The following MATCAP1 variants were observed in gnomAD, a reference collection of about 807,000 sequenced individuals.
MATCAP1 encodes the protein microtubule-associated tyrosine carboxypeptidase 1.
the MATCAP1 span, chr16:67,177,886 A>T: frequency 1.3e-6 from 1 of 793,160 alleles, no homozygotes; most frequent in South Asian, 1.5e-5. Context: ...ACTTCCACCC[A>T]CGCTCCCCCC....
chr16:67,180,096 A>C, the MATCAP1 span: 2 of 1,614,210 alleles, frequency 1.2e-6, no homozygotes, highest in South Asian at 2.2e-5. Flanking sequence ...AGCCGTGGGC[A>C]TGGGCTCCTG....
the MATCAP1 span, chr16:67,183,949 T>C: frequency 2.1e-5 from 4 of 191,844 alleles, no homozygotes; most frequent in African/African-American, 7.2e-5. Flanking sequence ...GCGGGAGCCG[T>C]CGCCGATGAC....
chr16:67,178,561 G>C, the MATCAP1 span: 1 of 1,427,878 alleles, frequency 7.0e-7, no homozygotes, highest in East Asian at 2.5e-5. Flanking sequence ...ACCCGCCTGC[G>C]AGCCCAGCCC....
the MATCAP1 span, chr16:67,176,984 G>C: frequency 1.3e-6 from 2 of 1,537,176 alleles, no homozygotes; most frequent in African/African-American, 2.8e-5. The surrounding 1 kb of genome is among the most constrained non-coding windows in gnomAD (Gnocchi z 4.3). Context: ...ACCTGCAGGA[G>C]GAAGCCGGGC....
At chr16:67,178,302 G>C in the MATCAP1 span, 1 of 1,582,512 alleles carries the variant, frequency 6.3e-7, no homozygotes, top group East Asian at 2.3e-5. Flanking sequence ...AGAGCTGACG[G>C]AAGGACATGC....
At chr16:67,178,236 C>T in the MATCAP1 span, 2 of 1,548,240 alleles carry the variant, frequency 1.3e-6, no homozygotes, top group Non-Finnish European at 1.7e-6. Context: ...GCTTGGCGCG[C>T]ACGCAGTACT....
the MATCAP1 span, chr16:67,176,856 G>A: frequency 6.2e-7 from 1 of 1,608,812 alleles, no homozygotes; most frequent in South Asian, 1.1e-5. The surrounding 1 kb of genome is among the most constrained non-coding windows in gnomAD (Gnocchi z 4.3). Context: ...CCAGCCGGTT[G>A]GTGGCCATGA....
the MATCAP1 span, chr16:67,177,972 G>C: frequency 6.4e-7 from 1 of 1,556,222 alleles, no homozygotes; most frequent in East Asian, 2.2e-5. Context: ...GCAAGGCAGG[G>C]AGCTGGCTGG....
At chr16:67,177,975 C>T in the MATCAP1 span, 2 of 1,568,384 alleles carry the variant, frequency 1.3e-6, no homozygotes. Flanking sequence ...AGGCAGGGAG[C>T]TGGCTGGGAC....
chr16:67,178,254 C>A, the MATCAP1 span: 1 of 1,564,624 alleles, frequency 6.4e-7, no homozygotes, highest in Non-Finnish European at 8.7e-7. Context: ...ACTCCCAGCG[C>A]ACATCGGCGT....
At chr16:67,177,151 C>G in the MATCAP1 span, among the ~76,000 whole-genome samples, 1 of 152,174 alleles carries the variant, frequency 6.6e-6, no homozygotes, top group African/African-American at 2.4e-5. Flanking sequence ...CATCTTTGCC[C>G]TTTCTCTCAA....
the MATCAP1 span, chr16:67,180,209 G>A: frequency 9.9e-5 from 159 of 1,614,078 alleles, no homozygotes; most frequent in Non-Finnish European, 1.3e-4. Context: ...AGGGGCTCTT[G>A]CTGGCAATAT....
chr16:67,177,832 A>G, the MATCAP1 span, among the ~76,000 whole-genome samples: 81 of 152,224 alleles, frequency 5.3e-4, no homozygotes, highest in African/African-American at 1.9e-3. Flanking sequence ...AGCCTCCGTT[A>G]AGCACCTGGT....
At chr16:67,177,532 C>T in the MATCAP1 span, among the ~76,000 whole-genome samples, 4 of 152,232 alleles carry the variant, frequency 2.6e-5, no homozygotes, top group African/African-American at 9.6e-5. Flanking sequence ...ACAGGCAAGG[C>T]CTCCTCCGTG....
chr16:67,178,589 G>T, the MATCAP1 span: 1 of 1,245,150 alleles, frequency 8.0e-7, no homozygotes, highest in Non-Finnish European at 1.1e-6. Context: ...GTTCCATCTG[G>T]CCGGGGCTCT....
chr16:67,180,113 A>C, the MATCAP1 span: 1 of 1,614,158 alleles, frequency 6.2e-7, no homozygotes, highest in East Asian at 2.2e-5. Flanking sequence ...CCTGGTACTC[A>C]AACTGTGGAT....
At chr16:67,179,722 A>T in the MATCAP1 span, 1 of 1,555,524 alleles carries the variant, frequency 6.4e-7, no homozygotes. The surrounding 1 kb of genome is among the most constrained non-coding windows in gnomAD (Gnocchi z 5.2). Context: ...GGGCAGGGGC[A>T]GGGGTGGGTC....
chr16:67,183,925 C>T, the MATCAP1 span: 1 of 197,294 alleles, frequency 5.1e-6, no homozygotes, highest in Non-Finnish European at 1.0e-5. Flanking sequence ...CACCGGCCAC[C>T]GGACGCCCAG....
At chr16:67,182,510 T>A in the MATCAP1 span, among the ~76,000 whole-genome samples, 4 of 152,220 alleles carry the variant, frequency 2.6e-5, no homozygotes, top group African/African-American at 9.6e-5. Flanking sequence ...GTGTTGCCAA[T>A]TTCAGTGCAA....
Sources: allele counts gnomAD v4.1 joint callset (sites outside exome capture counted in the v4.1 genomes callset), GRCh38; gene constraint gnomAD v4.1.1; non-coding constraint Gnocchi (gnomAD v3.1); transcripts MANE v1.5; gene names NCBI Gene and HGNC (gene_info 2026-07-23, HGNC 2026-07-21).